HDAC9: variants seen among roughly 807,000 people sequenced by gnomAD.
HDAC9 encodes MEF-2 interacting transcription repressor (MITR) protein.
HDAC9 carries 41 observed loss-of-function variants against 139.4 expected under a neutral mutation model. That is an observed-to-expected ratio of 0.29 (90% CI 0.23 to 0.38). HDAC9 has a LOEUF of 0.38. Ranked by LOEUF, HDAC9 falls within the 10% of genes least tolerant of loss-of-function variation. The probability of loss-of-function intolerance (pLI) is 1.00; values close to 1 mark genes in which losing one functional copy is unlikely to be tolerated. For synonymous variants in HDAC9, 517 were observed against 476.2 expected (o/e 1.09, Z -1.12); for missense variants, 1,147 against 1,297.0 (o/e 0.88, Z 1.78).
At chr7:18,149,695 T>C (rs1053351187) in intron 1 of HDAC9, among the ~76,000 whole-genome samples, 5 of 151,768 alleles carry the variant, frequency 3.3e-5, no homozygotes, top group Admixed American at 6.6e-5. Context: ...GGACTATAGG[T>C]GCCCACCACC....
At chr7:18,950,996 A>G (rs1265771501) in intron 23 of HDAC9, among the ~76,000 whole-genome samples, 1 of 151,920 alleles carries the variant, frequency 6.6e-6, no homozygotes, top group African/African-American at 2.4e-5. Flanking sequence ...TTCTGTTCTA[A>G]GTCATGCAAA....
intron 1 of HDAC9, among the ~76,000 whole-genome samples, chr7:18,328,165 A>T (rs1800615400): frequency 6.6e-6 from 1 of 151,954 alleles, no homozygotes; most frequent in South Asian, 2.1e-4. Flanking sequence ...GTTCCTATTG[A>T]AATTGGAGAG....
intron 2 of HDAC9, among the ~76,000 whole-genome samples, chr7:18,207,162 T>C (rs1356584584): frequency 6.6e-6 from 1 of 152,080 alleles, no homozygotes; most frequent in Non-Finnish European, 1.5e-5. Context: ...GGTCTCGAAC[T>C]CCTGAACTCA....
intron 2 of HDAC9, among the ~76,000 whole-genome samples, chr7:18,555,435 T>A (rs1302275728): frequency 6.6e-6 from 1 of 152,190 alleles, no homozygotes; most frequent in Non-Finnish European, 1.5e-5. Flanking sequence ...TTGGGACAAT[T>A]GTGGGGAATT....
chr7:18,613,871 C>T (rs1295849864), intron 6 of HDAC9, among the ~76,000 whole-genome samples: 1 of 152,054 alleles, frequency 6.6e-6, no homozygotes, highest in African/African-American at 2.4e-5. Flanking sequence ...ACCCATGCTC[C>T]TTAAAATTTT....
chr7:18,713,979 C>A (rs1421637266), intron 12 of HDAC9, among the ~76,000 whole-genome samples: 1 of 152,072 alleles, frequency 6.6e-6, no homozygotes, highest in African/African-American at 2.4e-5. Flanking sequence ...GGAGAAATAC[C>A]TGATACTATG....
intron 1 of HDAC9, among the ~76,000 whole-genome samples, chr7:18,374,434 C>G (rs973539578): frequency 2.6e-5 from 4 of 151,986 alleles, no homozygotes; most frequent in African/African-American, 9.7e-5. Context: ...TAGCCTACTA[C>G]ACACCTAGGC....
chr7:18,962,822 A>C (rs374438122), intron 24 of HDAC9, among the ~76,000 whole-genome samples: 1 of 152,186 alleles, frequency 6.6e-6, no homozygotes, highest in East Asian at 1.9e-4. Context: ...TAATTCTGCA[A>C]TACACAGTTC....
At chr7:18,789,002 G>C (rs575771451) in intron 16 of HDAC9, among the ~76,000 whole-genome samples, 2 of 151,926 alleles carry the variant, frequency 1.3e-5, no homozygotes, top group Non-Finnish European at 2.9e-5. Context: ...GGTTGTCACA[G>C]GTAGAAGGGG....
intron 21 of HDAC9, among the ~76,000 whole-genome samples, chr7:18,866,825 T>C (rs1400674301): frequency 6.6e-6 from 1 of 152,166 alleles, no homozygotes; most frequent in Non-Finnish European, 1.5e-5. Flanking sequence ...ACTCAGCACA[T>C]GCTGGGGTGA....
At chr7:18,764,259 A>G (rs919044812) in intron 15 of HDAC9, among the ~76,000 whole-genome samples, 2 of 152,172 alleles carry the variant, frequency 1.3e-5, no homozygotes, top group Non-Finnish European at 2.9e-5. Flanking sequence ...TTATCTCATT[A>G]ATTTTGAACA....
At chr7:18,873,448 C>T (rs1180168506) in intron 21 of HDAC9, among the ~76,000 whole-genome samples, 1 of 152,046 alleles carries the variant, frequency 6.6e-6, no homozygotes, top group Non-Finnish European at 1.5e-5. Context: ...TGCATAACTG[C>T]AACAACTTCT....
intron 1 of HDAC9, chr7:18,458,819 A>C (rs952649795): frequency 2.0e-6 from 3 of 1,526,730 alleles, no homozygotes; most frequent in East Asian, 2.4e-5. Flanking sequence ...TCCTTCTTCA[A>C]CCTGACTTTC....
chr7:18,144,608 T>C (rs1423461723), intron 1 of HDAC9, among the ~76,000 whole-genome samples: 4 of 152,188 alleles, frequency 2.6e-5, no homozygotes, highest in African/African-American at 9.6e-5. Flanking sequence ...CCATATTTTT[T>C]TTTCCCTAAA....
intron 1 of HDAC9, among the ~76,000 whole-genome samples, chr7:18,415,489 G>A (rs1467403166): frequency 1.3e-5 from 2 of 152,178 alleles, no homozygotes; most frequent in African/African-American, 4.8e-5. Flanking sequence ...TGGATAAGAT[G>A]ATTAGTGTAA....
chr7:18,596,581 T>C (rs1046113133), intron 6 of HDAC9, among the ~76,000 whole-genome samples: 4 of 152,108 alleles, frequency 2.6e-5, no homozygotes, highest in African/African-American at 7.2e-5. Context: ...ATAAAACATA[T>C]GTGATGATTG....
At chr7:18,125,688 C>T (rs998878944) in intron 1 of HDAC9, among the ~76,000 whole-genome samples, 6 of 151,798 alleles carry the variant, frequency 4.0e-5, no homozygotes, top group Non-Finnish European at 8.8e-5. Context: ...GCTTTGTGGG[C>T]CATATGGTCT....
chr7:18,973,794 T>G (rs1204981488), intron 24 of HDAC9, among the ~76,000 whole-genome samples: 1 of 152,206 alleles, frequency 6.6e-6, no homozygotes, highest in Non-Finnish European at 1.5e-5. Context: ...GTTACTTCGT[T>G]TTGGATTAGA....
intron 1 of HDAC9, among the ~76,000 whole-genome samples, chr7:18,335,686 C>T (rs1323838480): frequency 6.6e-6 from 1 of 151,544 alleles, no homozygotes; most frequent in Non-Finnish European, 1.5e-5. Flanking sequence ...GTTTATCCTT[C>T]TAAGAATGTT....
Sources: allele counts gnomAD v4.1 joint callset (sites outside exome capture counted in the v4.1 genomes callset), GRCh38; gene constraint gnomAD v4.1.1; transcripts MANE v1.5; gene names NCBI Gene and HGNC (gene_info 2026-07-23, HGNC 2026-07-21).